CCSER1: variants seen among roughly 807,000 people sequenced by gnomAD.
The protein encoded by CCSER1 is serine-rich coiled-coil domain-containing protein 1.
Under a neutral mutation model 82.0 loss-of-function variants are expected in CCSER1, and 41 were observed. The observed-to-expected ratio is 0.50, with a 90% CI of 0.39 to 0.65. The LOEUF (loss-of-function observed/expected upper bound fraction) is 0.65, where lower values mean the gene tolerates loss of function less well. Ranked by LOEUF, CCSER1 falls within the 30% of genes least tolerant of loss-of-function variation. CCSER1 has a pLI of 0.00. For synonymous variants in CCSER1, 414 were observed against 383.9 expected (o/e 1.08, Z -0.92); for missense variants, 1,119 against 1,064.2 (o/e 1.05, Z -0.72).
Position 90,631,055 on chromosome 4 carries a change from G to A in CCSER1, c.1932+2823G>A, listed in dbSNP as rs187845269. Among the ~76,000 whole-genome samples, 313 of 151,774 alleles carry A rather than the reference G, an allele frequency of 2.1e-3. 1 individual carries two copies. Among genetic ancestry groups the A allele is most frequent in the African/African-American group, 7.0e-3 (291 of 41,464 alleles). On this transcript the variant is annotated intron_variant, in intron 6 of 10. Transcript: ENST00000509176. ...ACAACAGGCACCTGCCACCATGCCC[G>A]GCTAATTTTATGTATTTTTAGTAGA...
At chr4:90,572,293 T>C (rs138323604) in intron 5 of CCSER1, among the ~76,000 whole-genome samples, 16 of 152,334 alleles carry the variant, frequency 1.1e-4, no homozygotes, top group African/African-American at 3.8e-4. Context: ...CTCTTTGTCT[T>C]TGATATTTGA....
intron 8 of CCSER1, among the ~76,000 whole-genome samples, chr4:90,910,414 T>C (rs1184058018): frequency 6.6e-6 from 1 of 152,228 alleles, no homozygotes; most frequent in Admixed American, 6.6e-5. Context: ...CTAAATATAC[T>C]AAGTTTTCCA....
intron 9 of CCSER1, among the ~76,000 whole-genome samples, chr4:91,071,234 G>T (rs965925304): frequency 6.6e-6 from 1 of 152,206 alleles, no homozygotes; most frequent in South Asian, 2.1e-4. Context: ...CTGTCTTTGA[G>T]GTACTTTTAT....
intron 10 of CCSER1, among the ~76,000 whole-genome samples, chr4:91,257,235 TA>T (rs1740760114): frequency 6.6e-6 from 1 of 152,174 alleles, no homozygotes; most frequent in African/African-American, 2.4e-5. Flanking sequence ...CATTGGCTTT[TA>T]TTTTATTCTA....
intron 8 of CCSER1, among the ~76,000 whole-genome samples, chr4:90,833,114 AG>A (rs1180815060): frequency 6.6e-6 from 1 of 152,176 alleles, no homozygotes; most frequent in Non-Finnish European, 1.5e-5. Flanking sequence ...TAATTCTCAC[AG>A]TTTTGGAAGC....
chr4:90,839,394 GT>G (rs1762278059), intron 8 of CCSER1, among the ~76,000 whole-genome samples: 1 of 152,172 alleles, frequency 6.6e-6, no homozygotes, highest in African/African-American at 2.4e-5. Context: ...TCAACTACAG[GT>G]TATGAAACAA....
At chr4:90,487,023 T>C (rs1183720781) in intron 5 of CCSER1, among the ~76,000 whole-genome samples, 2 of 152,222 alleles carry the variant, frequency 1.3e-5, no homozygotes, top group Non-Finnish European at 2.9e-5. Flanking sequence ...GCAATTCTCC[T>C]GCCTCAGCCT....
chr4:90,395,640 T>C (rs1751838997), intron 3 of CCSER1, among the ~76,000 whole-genome samples: 1 of 151,810 alleles, frequency 6.6e-6, no homozygotes, highest in Non-Finnish European at 1.5e-5. Context: ...AATTAAACTC[T>C]ACTTGCTATG....
chr4:91,295,371 A>C (rs1047726215), intron 10 of CCSER1, among the ~76,000 whole-genome samples: 1 of 151,958 alleles, frequency 6.6e-6, no homozygotes, highest in South Asian at 2.1e-4. Flanking sequence ...TTTTAAAGAA[A>C]TACAGTATTG....
chr4:90,139,808 A>T (rs1724399501), intron 1 of CCSER1, among the ~76,000 whole-genome samples: 1 of 152,050 alleles, frequency 6.6e-6, no homozygotes, highest in South Asian at 2.1e-4. Context: ...AAACAAACAA[A>T]AATTAGCCAG....
intron 10 of CCSER1, among the ~76,000 whole-genome samples, chr4:91,425,178 G>T (rs1256409202): frequency 6.6e-6 from 1 of 152,070 alleles, no homozygotes; most frequent in Non-Finnish European, 1.5e-5. Context: ...TTAAGAGAAA[G>T]AAGATAATTG....
chr4:90,567,307 A>ATTTTTTTT (rs34947960), intron 5 of CCSER1, among the ~76,000 whole-genome samples: 5 of 138,728 alleles, frequency 3.6e-5, no homozygotes, highest in African/African-American at 1.3e-4. Context: ...TTGTCTCTGG[A>ATTTTTTTT]TTTTTTTTTT....
In CCSER1 at chr4:91,450,903, G is replaced by GTT. The variant is rs199538276; in HGVS notation, c.2218-147668_2218-147667dup. The stretch of plus-strand genomic sequence containing the variant: ...TCCAAAAAGCCAGGATGGGAAAAAA[G>GTT]TTGTAATACATGAAACATCAGGCAA... On this transcript the variant is annotated intron_variant, in intron 10 of 10. Transcript: ENST00000509176. Among the ~76,000 whole-genome samples, 1,025 of 152,122 alleles carry GTT rather than the reference G, an allele frequency of 6.7e-3. 4 individuals are homozygous for GTT. The highest frequency in any genetic ancestry group is 0.02 in the Middle Eastern group (6 of 294).
chr4:90,431,195 T>C (rs752712782), intron 4 of CCSER1, among the ~76,000 whole-genome samples: 34 of 152,086 alleles, frequency 2.2e-4, no homozygotes, highest in Non-Finnish European at 7.4e-5. Flanking sequence ...CAAAGAGCAC[T>C]GTCATTACAA....
chr4:91,536,412 C>T (rs1393775564), intron 10 of CCSER1, among the ~76,000 whole-genome samples: 1 of 151,988 alleles, frequency 6.6e-6, no homozygotes, highest in East Asian at 1.9e-4. Context: ...ATATAAGAAA[C>T]GCAGAGTTGG....
intron 5 of CCSER1, among the ~76,000 whole-genome samples, chr4:90,577,519 A>G (rs1208468694): frequency 1.3e-5 from 2 of 152,080 alleles, no homozygotes; most frequent in East Asian, 1.9e-4. Flanking sequence ...TTGTATGTCT[A>G]TCTCTCCACT....
chr4:90,919,129 C>G (rs1324217988), intron 8 of CCSER1, among the ~76,000 whole-genome samples: 1 of 140,614 alleles, frequency 7.1e-6, no homozygotes, highest in African/African-American at 2.6e-5. Flanking sequence ...TAGTATGAAT[C>G]TGCAAGAAAA....
At chr4:90,445,870 A>G (rs1404394818) in intron 4 of CCSER1, among the ~76,000 whole-genome samples, 1 of 152,116 alleles carries the variant, frequency 6.6e-6, no homozygotes, top group Non-Finnish European at 1.5e-5. Flanking sequence ...ATATCATTTT[A>G]TTTAACTCAT....
chr4:91,226,969 G>T (rs765724526), intron 10 of CCSER1, among the ~76,000 whole-genome samples: 4 of 151,762 alleles, frequency 2.6e-5, no homozygotes, highest in Non-Finnish European at 5.9e-5. Context: ...AGAGTTAAAG[G>T]ATTATGAGGA....
Sources: allele counts gnomAD v4.1 joint callset (sites outside exome capture counted in the v4.1 genomes callset), GRCh38; gene constraint gnomAD v4.1.1; transcripts MANE v1.5; gene names NCBI Gene and HGNC (gene_info 2026-07-23, HGNC 2026-07-21).